COL4A5: variants seen among roughly 807,000 people sequenced by gnomAD.
COL4A5 encodes the protein collagen type IV alpha 5 chain.
Under a neutral mutation model 130.2 loss-of-function variants are expected in COL4A5, and 26 were observed. The ratio of observed to expected loss-of-function variants is 0.20; its 90% CI spans 0.15 to 0.28. The LOEUF (loss-of-function observed/expected upper bound fraction) is 0.28. Among genes scored for constraint, COL4A5 ranks in the 10% least tolerant of loss-of-function variants. The pLI is 1.00. For missense variants in COL4A5, 1,131 were observed against 1,344.3 expected, an observed-to-expected ratio of 0.84 and a Z score of 2.48; for synonymous variants, 496 against 439.6, an observed-to-expected ratio of 1.13 and a Z score of -1.60.
chrX:108,607,968 CAGTTGCT>C (rs774078643), intron 29 of COL4A5, among the ~76,000 whole-genome samples: 37 of 111,616 alleles, frequency 3.3e-4, no homozygotes, highest in Non-Finnish European at 6.4e-4. Flanking sequence ...TAGTTCATCC[CAGTTGCT>C]AGTTGCTAGA....
chrX:108,610,125 T>C (rs1190433596), intron 29 of COL4A5, among the ~76,000 whole-genome samples: 3 of 111,174 alleles, frequency 2.7e-5, no homozygotes, highest in African/African-American at 9.8e-5. Flanking sequence ...CCAATATCCT[T>C]TACCCACTTC....
At chrX:108,595,452 A>G in intron 21 of COL4A5, 57 bp from the exon 22 acceptor site, 1 of 1,032,951 alleles carries the variant, frequency 9.7e-7, no homozygotes, top group East Asian at 3.0e-5. Flanking sequence ...GAACCTATCT[A>G]TAGAAGGTAT....
chrX:108,563,980 A>G (rs2065935662), intron 4 of COL4A5, 54 bp downstream of exon 4: 4 of 1,019,698 alleles, frequency 3.9e-6, no homozygotes, highest in Non-Finnish European at 4.1e-6. Context: ...CAGATAGAGA[A>G]CAAATGAAGT....
Position 108,552,731 on chromosome X carries a change from C to G in COL4A5, c.142-6333C>G, listed in dbSNP as rs767003789. On this transcript the variant is annotated intron_variant, in intron 2 of 52. Transcript: ENST00000328300. The stretch of plus-strand genomic sequence containing the variant: ...ATTGGCCCCAATTTATCTATAGATT[C>G]AGTGCAACTCCAATCAAAATTCTTG... 1.3e-4 allele frequency among the ~76,000 whole-genome samples: 14 copies of G among 111,880 alleles called. No homozygotes were observed. In the South Asian group the frequency reaches 5.2e-3, roughly 42 times the overall value.
At chrX:108,670,668 A>G (rs1052478952) in intron 42 of COL4A5, 3 of 330,928 alleles carry the variant, frequency 9.1e-6, no homozygotes, top group Admixed American at 6.2e-5. Flanking sequence ...TTAACTTGCC[A>G]TATCTTTTGC....
intron 26 of COL4A5, 45 bp downstream of exon 26, chrX:108,601,530 T>A: frequency 7.3e-6 from 2 of 274,196 alleles, no homozygotes; most frequent in Non-Finnish European, 1.1e-5. Context: ...ACCGATGGCT[T>A]TTTTTTTTTT....
At chrX:108,507,247 C>CAAAAAAAAA (rs1195605237) in intron 1 of COL4A5, among the ~76,000 whole-genome samples, 7 of 50,850 alleles carry the variant, frequency 1.4e-4, no homozygotes, top group Non-Finnish European at 2.5e-4. Flanking sequence ...ACAACAACAA[C>CAAAAAAAAA]AAAAAAAAAA....
At chrX:108,693,326 A>T (rs2068666945) in intron 50 of COL4A5, among the ~76,000 whole-genome samples, 1 of 111,734 alleles carries the variant, frequency 8.9e-6, no homozygotes, top group South Asian at 3.7e-4. Flanking sequence ...TCCTTGAATG[A>T]CTAGAAGGAC....
At chrX:108,560,030 T>C (rs73526257) in intron 3 of COL4A5, among the ~76,000 whole-genome samples, 10,166 of 110,851 alleles carry the variant, frequency 0.092, 1,064 homozygotes, top group African/African-American at 0.3. Context: ...AGGACCTGAG[T>C]GAGAAACATA....
At chrX:108,537,652 A>C (rs1489989863) in intron 1 of COL4A5, among the ~76,000 whole-genome samples, 1 of 111,927 alleles carries the variant, frequency 8.9e-6, no homozygotes, top group Non-Finnish European at 1.9e-5. Context: ...TCTCTCAATA[A>C]AGGCTGAAGA....
At chrX:108,517,703 C>A (rs903506227) in intron 1 of COL4A5, among the ~76,000 whole-genome samples, 1 of 111,701 alleles carries the variant, frequency 9.0e-6, no homozygotes, top group Non-Finnish European at 1.9e-5. Flanking sequence ...AGATGATTAA[C>A]AGATACAAAT....
chrX:108,544,581 T>A (rs1229069015), intron 2 of COL4A5, among the ~76,000 whole-genome samples: 3 of 111,582 alleles, frequency 2.7e-5, no homozygotes, highest in Non-Finnish European at 5.6e-5. Context: ...TTTTTTGTTG[T>A]GTCTCTGCCA....
intron 1 of COL4A5, among the ~76,000 whole-genome samples, chrX:108,444,829 C>A (rs1302514555): frequency 8.9e-6 from 1 of 112,017 alleles, no homozygotes; most frequent in African/African-American, 3.2e-5. Flanking sequence ...TATACATGAT[C>A]TCATTCTCTT....
rs957718091 is a variant in COL4A5, at chrX:108,636,153, G to A, written c.3246+9804G>A. 9.0e-5 allele frequency among the ~76,000 whole-genome samples: 10 copies of A among 111,380 alleles called. No individual in the cohort carries two copies. In the Admixed American group the frequency reaches 9.6e-4, roughly 11 times the overall value. On this transcript the variant is annotated intron_variant, in intron 36 of 52. Coordinates refer to ENST00000328300, the MANE Select transcript of COL4A5 (RefSeq NM_033380.3). ...ACAAAACAAAAATCAAATCATGCTG[G>A]GAAAAGAGGATACCTGTCTGCAAAA...
intron 29 of COL4A5, among the ~76,000 whole-genome samples, chrX:108,614,056 G>A (rs756591369): frequency 1.8e-5 from 2 of 111,640 alleles, no homozygotes; most frequent in South Asian, 7.4e-4. Flanking sequence ...TTAACAAAAT[G>A]TACATATTCA....
intron 2 of COL4A5, among the ~76,000 whole-genome samples, chrX:108,542,028 A>C (rs1156610033): frequency 8.9e-6 from 1 of 112,248 alleles, no homozygotes; most frequent in Non-Finnish European, 1.9e-5. Context: ...TTTAAAGCAG[A>C]AAATAGAAAA....
intron 1 of COL4A5, among the ~76,000 whole-genome samples, chrX:108,527,384 C>A: frequency 8.9e-6 from 1 of 111,874 alleles, no homozygotes; most frequent in Admixed American, 9.4e-5. Flanking sequence ...AATATCCTTA[C>A]CAGTTTTCTA....
In COL4A5 at chrX:108,696,301, C is replaced by A. The variant is rs1242139378; in HGVS notation, c.4999C>A (p.Pro1667Thr). 3 of 1,205,693 alleles carry A rather than the reference C, an allele frequency of 2.5e-6. No individual in the cohort carries two copies. The South Asian group carries it at 5.3e-5, about 21-fold the overall frequency. Reference protein sequence around the residue: ...TVDVSDMFSKPQSETLKAGDL... With the variant: ...TVDVSDMFSKTQSETLKAGDL... ...GTCTTATTTCTTATTTCCCAGTAAA[C>A]CTCAGTCAGAAACGCTGAAAGCAGG... The change falls in exon 53 of 53, where the codon CCT becomes ACT. Residue 1667 changes from proline (P) to threonine (T), a missense_variant. Coordinates refer to ENST00000328300, the MANE Select transcript of COL4A5 (RefSeq NM_033380.3).
At chrX:108,579,143 C>T (rs760247426) in intron 13 of COL4A5, among the ~76,000 whole-genome samples, 15 of 111,662 alleles carry the variant, frequency 1.3e-4, no homozygotes, top group African/African-American at 4.6e-4. Flanking sequence ...TCAAAAAAAT[C>T]TCCATACCTA....
Sources: allele counts gnomAD v4.1 joint callset (sites outside exome capture counted in the v4.1 genomes callset), GRCh38; gene constraint gnomAD v4.1.1; transcripts MANE v1.5; gene names NCBI Gene and HGNC (gene_info 2026-07-23, HGNC 2026-07-21).